The following ZNF407 variants were observed in gnomAD, a reference collection of about 807,000 sequenced individuals.
The protein encoded by ZNF407 is zinc finger protein 407.
ZNF407 carries 17 observed loss-of-function variants against 131.2 expected under a neutral mutation model. The observed-to-expected ratio is 0.13, with a 90% CI of 0.09 to 0.19. The LOEUF is 0.19. Ranked by LOEUF, ZNF407 falls within the 10% of genes least tolerant of loss-of-function variation. The pLI is 1.00. For synonymous variants in ZNF407, 1,156 were observed against 1,062.0 expected, an observed-to-expected ratio of 1.09 and a Z score of -1.72; for missense variants, 2,681 against 2,830.6, an observed-to-expected ratio of 0.95 and a Z score of 1.20.
chr18:74,883,060 G>A (rs983120892), intron 6 of ZNF407, among the ~76,000 whole-genome samples: 2 of 152,210 alleles, frequency 1.3e-5, no homozygotes, highest in African/African-American at 4.8e-5. Flanking sequence ...AGATCGATCA[G>A]GAAGCCTGCA....
chr18:74,743,679 G>A (rs1968601715), intron 3 of ZNF407, among the ~76,000 whole-genome samples: 1 of 151,942 alleles, frequency 6.6e-6, no homozygotes, highest in Non-Finnish European at 1.5e-5. Context: ...AATCTAAAAT[G>A]TTGTGAAAGA....
In ZNF407 at chr18:75,005,299, C is replaced by T. The variant is rs551049958; in HGVS notation, c.5429-57851C>T. Reference sequence around the variant, plus strand: ...TGAATTTTCATTTTTTATTATATTTCGTTTCTGTTGCATTTCTGGTCTAAA... The same window carrying T: ...TGAATTTTCATTTTTTATTATATTTTGTTTCTGTTGCATTTCTGGTCTAAA... On this transcript the variant is annotated intron_variant, in intron 8 of 8. Coordinates refer to ENST00000299687, the MANE Select transcript of ZNF407 (RefSeq NM_017757.3). Among the ~76,000 whole-genome samples the T allele has an allele frequency of 1.6e-4, 24 of 152,060 alleles. No individual in the cohort carries two copies. In the South Asian group the frequency reaches 2.9e-3, roughly 18 times the overall value.
intron 8 of ZNF407, among the ~76,000 whole-genome samples, chr18:74,984,897 A>G (rs1371783736): frequency 6.6e-6 from 1 of 152,214 alleles, no homozygotes; most frequent in East Asian, 1.9e-4. Flanking sequence ...ATGTGCGTAG[A>G]GTCAAATTGT....
intron 8 of ZNF407, among the ~76,000 whole-genome samples, chr18:75,020,182 CAT>C (rs1222355971): frequency 6.6e-6 from 1 of 152,080 alleles, no homozygotes; most frequent in African/African-American, 2.4e-5. Flanking sequence ...CTAACCTCCT[CAT>C]GTGCGTAATT....
At chr18:74,855,710 C>G (rs1259151286) in intron 4 of ZNF407, among the ~76,000 whole-genome samples, 1 of 152,176 alleles carries the variant, frequency 6.6e-6, no homozygotes, top group Non-Finnish European at 1.5e-5. Context: ...CAAATATCCT[C>G]TAGCAAATAT....
At position 75,063,840 on chromosome 18, in the gene ZNF407, T is replaced by G. The variant is rs368924395; in HGVS notation, c.6119T>G (p.Ile2040Ser). ...HVAADPEAPE[I>S]QMFPQAQESP... ...GCTGCCGACCCCGAGGCCCCCGAGA[T>G]CCAGATGTTCCCACAGGCCCAGGAG... is the stretch of plus-strand genomic sequence containing the variant. The change falls in exon 9 of 9, where the codon ATC becomes AGC. Residue 2040 changes from isoleucine to serine, a missense_variant. Ile to Ser is a moderately radical substitution (Grantham distance 142, BLOSUM62 -2). Coordinates refer to ENST00000299687, the MANE Select transcript of ZNF407 (RefSeq NM_017757.3). This position sits in a 1 kb window ranked among gnomAD's most constrained non-coding sequence, Gnocchi z 6.6. 1 of 1,607,692 alleles carries G rather than the reference T, an allele frequency of 6.2e-7. No individual in the cohort carries two copies. The highest frequency in any genetic ancestry group is 1.3e-5 in the African/African-American group (1 of 74,436).
At position 75,063,852 on chromosome 18, in the gene ZNF407, C is replaced by T; in HGVS notation, c.6131C>T (p.Pro2044Leu). ...DPEAPEIQMF[P>L]QAQESPAAVE... ...GAGGCCCCCGAGATCCAGATGTTCC[C>T]ACAGGCCCAGGAGAGCCCGGCCGCC... The change falls in exon 9 of 9, where the codon CCA (proline) becomes CTA (leucine). Residue 2044 changes from proline (P) to leucine (L), a missense_variant. By Grantham distance (98) the Pro-to-Leu change is moderately conservative (BLOSUM62 -3). Coordinates refer to ENST00000299687, the MANE Select transcript of ZNF407 (RefSeq NM_017757.3). This position sits in a 1 kb window ranked among gnomAD's most constrained non-coding sequence, Gnocchi z 6.6. The T allele has an allele frequency of 6.2e-7, 1 of 1,610,270 alleles. No individual in the cohort carries two copies. The highest frequency in any genetic ancestry group is 8.5e-7 in the Non-Finnish European group (1 of 1,179,170).
chr18:74,986,768 C>T (rs1972657055), intron 8 of ZNF407, among the ~76,000 whole-genome samples: 3 of 152,174 alleles, frequency 2.0e-5, no homozygotes, highest in African/African-American at 7.2e-5. Flanking sequence ...AACGCACACA[C>T]ACTTTTCGAT....
At chr18:74,804,093 A>G (rs1970070032) in intron 4 of ZNF407, 12 of 1,547,576 alleles carry the variant, frequency 7.8e-6, no homozygotes, top group Non-Finnish European at 1.0e-5. Flanking sequence ...CAGTGGGAGG[A>G]TTGGCTGAGG....
In ZNF407 at chr18:74,633,581, C is replaced by T. The variant is rs1984259130; in HGVS notation, c.2562C>T (p.His854=). The T allele has an allele frequency of 6.2e-7, 1 of 1,614,038 alleles. No homozygotes were observed. Among genetic ancestry groups the T allele is most frequent in the African/African-American group, 1.3e-5 (1 of 75,058 alleles). Residue 854 remains histidine (H), a synonymous_variant, in exon 2 of 9, where the codon CAC becomes CAT. Transcript: ENST00000299687. ...PKGNISRTCS[H]CGLLASSITN... is the part of the protein sequence containing the mutation. ...GTAACATCTCACGGACGTGTTCACA[C>T]TGTGGCCTTTTGGCCTCTAGTATTA...
chr18:75,062,834 G>A (rs966473777), intron 8 of ZNF407: 2 of 236,960 alleles, frequency 8.4e-6, no homozygotes, highest in Non-Finnish European at 1.6e-5. Flanking sequence ...TGGTTGGGGG[G>A]AGGTATCCAG....
chr18:74,600,616 A>C (rs964010462), intron 1 of ZNF407, among the ~76,000 whole-genome samples: 8 of 152,176 alleles, frequency 5.3e-5, no homozygotes, highest in Admixed American at 5.2e-4. Flanking sequence ...GAACCTGGCA[A>C]GCTTAAAGAG....
intron 8 of ZNF407, among the ~76,000 whole-genome samples, chr18:74,979,701 G>A (rs183757868): frequency 1.3e-5 from 2 of 152,226 alleles, no homozygotes; most frequent in Admixed American, 1.3e-4. Context: ...GATTTATGAA[G>A]AACTGAAATA....
intron 3 of ZNF407, among the ~76,000 whole-genome samples, chr18:74,684,447 A>C (rs890513425): frequency 6.6e-6 from 1 of 152,228 alleles, no homozygotes; most frequent in Non-Finnish European, 1.5e-5. Flanking sequence ...TACTTACGAA[A>C]TAGTAAAGTG....
intron 4 of ZNF407, among the ~76,000 whole-genome samples, chr18:74,855,480 C>A (rs978021451): frequency 6.6e-6 from 1 of 151,976 alleles, no homozygotes; most frequent in Non-Finnish European, 1.5e-5. Flanking sequence ...TTTTTTTGAA[C>A]CTTTTATCTC....
intron 4 of ZNF407, among the ~76,000 whole-genome samples, chr18:74,819,565 C>T (rs540278942): frequency 1.3e-5 from 2 of 152,248 alleles, no homozygotes; most frequent in East Asian, 1.9e-4. Flanking sequence ...CTGGGTTTGC[C>T]GCTCACAGGA....
rs1982360349 is a variant in ZNF407 at position 74,597,911 on chromosome 18, A to G, written c.-80A>G. ...GCCGGAGGAGTCAGTCAGAGGGGCG[A>G]GCAGGAGCGATTCCGTCGCCAAACA... On this transcript the variant is annotated 5_prime_UTR_variant, in exon 1 of 9. Transcript: ENST00000299687. The G allele has an allele frequency of 6.6e-6, 1 of 152,352 alleles. No homozygotes were observed. Among genetic ancestry groups the G allele is most frequent in the Admixed American group, 6.6e-5 (1 of 15,250 alleles). The allele number at this position is 152,352 out of a possible 1,614,324, so 9.4% of individuals were successfully genotyped here.
At position 74,668,668 on chromosome 18, in the gene ZNF407, A is replaced by T. The variant is rs1340910184; in HGVS notation, c.4802+27546A>T. Among the ~76,000 whole-genome samples the T allele has an allele frequency of 3.9e-5, 6 of 152,322 alleles. No homozygotes were observed. In the East Asian group the frequency reaches 1.2e-3, roughly 29 times the overall value. On this transcript the variant is annotated intron_variant, in intron 3 of 8. Coordinates refer to ENST00000299687, the MANE Select transcript of ZNF407 (RefSeq NM_017757.3). ...AGCACCTAGCACTTATTATAGACTT[A>T]GAATGGATGAGATTTACAGTTGAAG...
At position 74,634,301 on chromosome 18, in the gene ZNF407, C is replaced by G. The variant is rs761355490; in HGVS notation, c.3282C>G (p.Ile1094Met). The change falls in exon 2 of 9, where the codon ATC (isoleucine) becomes ATG (methionine). Residue 1094 changes from isoleucine (I) to methionine (M), a missense_variant. Physicochemically the swap from Ile to Met is conservative, Grantham distance 10. Coordinates refer to ENST00000299687, the MANE Select transcript of ZNF407 (RefSeq NM_017757.3). ...EAGSADMSKN[I>M]IMPEEEHQQN... ...GTTCTGCAGACATGTCCAAAAACAT[C>G]ATTATGCCTGAAGAAGAGCATCAAC... The G allele has an allele frequency of 1.2e-5, 20 of 1,613,868 alleles. No individual in the cohort carries two copies. The highest frequency in any genetic ancestry group is 1.7e-5 in the Admixed American group (1 of 59,996).
Sources: gnomAD v4.1 joint callset for allele counts (sites outside exome capture counted in the v4.1 genomes callset) on GRCh38, gnomAD v4.1.1 for gene constraint, Gnocchi (gnomAD v3.1) non-coding constraint, MANE v1.5 for transcripts, NCBI Gene and HGNC (gene_info 2026-07-23, HGNC 2026-07-21) for gene names.